MDGA2: variants seen among roughly 807,000 people sequenced by gnomAD.
MDGA2 encodes the protein MAM domain-containing glycosylphosphatidylinositol anchor protein 2.
In MDGA2, 40 loss-of-function variants were observed where a neutral mutation model predicts 117.8. The ratio of observed to expected loss-of-function variants is 0.34; its 90% confidence interval spans 0.26 to 0.44. The LOEUF (loss-of-function observed/expected upper bound fraction) is 0.44. Ranked by LOEUF, MDGA2 falls within the 20% of genes least tolerant of loss-of-function variation. MDGA2 has a pLI of 1.00. For missense variants in MDGA2, 1,123 were observed against 1,250.6 expected (o/e 0.90, Z 1.54); for synonymous variants, 452 against 439.0 (o/e 1.03, Z -0.37).
intron 2 of MDGA2, among the ~76,000 whole-genome samples, chr14:47,284,354 A>C (rs144249273): frequency 8.0e-4 from 122 of 152,302 alleles, no homozygotes; most frequent in African/African-American, 2.5e-3. Flanking sequence ...TGTCAATCAA[A>C]ACAGTAATTG....
At chr14:47,503,012 A>G (rs1894430830) in intron 1 of MDGA2, among the ~76,000 whole-genome samples, 1 of 152,120 alleles carries the variant, frequency 6.6e-6, no homozygotes, top group African/African-American at 2.4e-5. Context: ...TATGTTATTA[A>G]AATCATCCTG....
At chr14:47,155,435 C>G (rs1054400161) in intron 3 of MDGA2, among the ~76,000 whole-genome samples, 7 of 152,124 alleles carry the variant, frequency 4.6e-5, no homozygotes, top group Admixed American at 6.5e-5. Context: ...CAAGCCAGAG[C>G]TGTGACACTC....
At chr14:46,879,351 T>A (rs1882356451) in intron 11 of MDGA2, among the ~76,000 whole-genome samples, 1 of 152,088 alleles carries the variant, frequency 6.6e-6, no homozygotes, top group Non-Finnish European at 1.5e-5. Context: ...AGAAATAAGT[T>A]TGTGTTGTTT....
At chr14:47,429,040 C>T (rs1183763374) in intron 1 of MDGA2, among the ~76,000 whole-genome samples, 1 of 151,970 alleles carries the variant, frequency 6.6e-6, no homozygotes, top group Non-Finnish European at 1.5e-5. Context: ...GCCTGGCCCA[C>T]ATGGTAAAAC....
chr14:47,294,349 G>A (rs61450177), intron 2 of MDGA2, among the ~76,000 whole-genome samples: 32,342 of 151,748 alleles, frequency 0.21, 4,306 homozygotes, highest in East Asian at 0.45. Context: ...TGCTGACCTC[G>A]GGCCTCCCAA....
chr14:47,601,799 A>G (rs1468215529), intron 1 of MDGA2, among the ~76,000 whole-genome samples: 1 of 152,208 alleles, frequency 6.6e-6, no homozygotes, highest in Non-Finnish European at 1.5e-5. Flanking sequence ...AGCCCAGTGC[A>G]TATGAAAGCG....
intron 1 of MDGA2, chr14:47,444,452 T>C (rs1893079774): frequency 2.5e-5 from 5 of 196,400 alleles, no homozygotes. Context: ...TTAGCATTGT[T>C]ATTGCTCTTG....
chr14:47,438,997 G>T (rs1311431204), intron 1 of MDGA2, among the ~76,000 whole-genome samples: 1 of 152,078 alleles, frequency 6.6e-6, no homozygotes, highest in East Asian at 1.9e-4. Flanking sequence ...AATTATCTTG[G>T]TAAATAGGCT....
At chr14:46,851,665 G>A (rs1223753637) in intron 15 of MDGA2, among the ~76,000 whole-genome samples, 1 of 151,844 alleles carries the variant, frequency 6.6e-6, no homozygotes, top group Non-Finnish European at 1.5e-5. Context: ...GCTAGTGAAA[G>A]AGACTCAAAG....
chr14:47,675,312 AGGAGGAAGAGGAG>A lies in MDGA2; in HGVS notation c.-529_-517del. 1.9e-3 allele frequency among the ~76,000 whole-genome samples: 1 copy of A among 528 alleles called. No homozygotes were observed. The highest frequency in any genetic ancestry group is 6.3e-3 in the African/African-American group (1 of 158). The allele number at this position is 528 out of a possible 152,430, so 0.3% of individuals were successfully genotyped here. On this transcript the variant is annotated 5_prime_UTR_variant, in exon 1 of 17. Transcript: ENST00000399232. ...CAGACTCGCATCGCCGAACGGGGAG[AGGAGGAAGAGGAG>A]GAGGAGGAAGAGGAGGAGGAGGAAG...
At chr14:47,498,510 T>C (rs1352557054) in intron 1 of MDGA2, among the ~76,000 whole-genome samples, 4 of 152,184 alleles carry the variant, frequency 2.6e-5, no homozygotes, top group South Asian at 2.1e-4. Flanking sequence ...TGTTAGTATA[T>C]ACATGTGCTC....
intron 1 of MDGA2, among the ~76,000 whole-genome samples, chr14:47,437,703 A>C (rs1422872716): frequency 6.6e-6 from 1 of 152,162 alleles, no homozygotes; most frequent in Non-Finnish European, 1.5e-5. Flanking sequence ...CTAATTTAAG[A>C]ATATGATCAG....
chr14:47,241,248 G>T (rs900654437), intron 2 of MDGA2, among the ~76,000 whole-genome samples: 2 of 151,842 alleles, frequency 1.3e-5, no homozygotes, highest in Admixed American at 6.6e-5. Context: ...TAATCCTAAC[G>T]AAAGCTAAGT....
intron 1 of MDGA2, among the ~76,000 whole-genome samples, chr14:47,492,604 AT>A (rs1269511105): frequency 3.3e-5 from 5 of 152,160 alleles, no homozygotes; most frequent in African/African-American, 1.2e-4. Flanking sequence ...CATAAATCTT[AT>A]AAGTTAATTT....
At chr14:47,112,093 T>C (rs192250775) in intron 5 of MDGA2, among the ~76,000 whole-genome samples, 11 of 151,468 alleles carry the variant, frequency 7.3e-5, no homozygotes, top group Non-Finnish European at 1.3e-4. Flanking sequence ...ATGAGGAACC[T>C]GGAATGCAGA....
intron 1 of MDGA2, among the ~76,000 whole-genome samples, chr14:47,601,187 T>C (rs1896641892): frequency 6.6e-6 from 1 of 152,140 alleles, no homozygotes; most frequent in Non-Finnish European, 1.5e-5. Flanking sequence ...GTCAGGGCCA[T>C]CAGCTAAATA....
At chr14:47,197,707 G>A (rs946929605) in intron 3 of MDGA2, among the ~76,000 whole-genome samples, 2 of 152,054 alleles carry the variant, frequency 1.3e-5, no homozygotes, top group African/African-American at 2.4e-5. Flanking sequence ...TCAGGGGTTC[G>A]AAACCAGCCT....
At chr14:47,310,612 G>A (rs1363053056) in intron 1 of MDGA2, among the ~76,000 whole-genome samples, 2 of 151,776 alleles carry the variant, frequency 1.3e-5, no homozygotes. Context: ...ATATATATAT[G>A]TTCCTTTTTT....
chr14:47,330,206 A>G (rs561890619), intron 1 of MDGA2, among the ~76,000 whole-genome samples: 3 of 151,946 alleles, frequency 2.0e-5, no homozygotes, highest in African/African-American at 7.2e-5. Context: ...TTTAATTTAT[A>G]TCAGGTATTT....
Sources: gnomAD v4.1 joint callset for allele counts (sites outside exome capture counted in the v4.1 genomes callset) on GRCh38, gnomAD v4.1.1 for gene constraint, MANE v1.5 for transcripts, NCBI Gene and HGNC (gene_info 2026-07-23, HGNC 2026-07-21) for gene names.